The following VPS50 variants were observed in gnomAD, a reference collection of about 807,000 sequenced individuals.
The protein encoded by VPS50 is VPS50 subunit of EARP/GARPII complex.
VPS50 carries 70 observed loss-of-function variants against 139.7 expected under a neutral mutation model. That is an observed-to-expected ratio of 0.50 (90% CI 0.41 to 0.61). The LOEUF (loss-of-function observed/expected upper bound fraction) is 0.61, where lower values mean the gene tolerates loss of function less well. Ranked by LOEUF, VPS50 falls within the 20% of genes least tolerant of loss-of-function variation. VPS50 has a pLI of 0.00. For missense variants in VPS50, 921 were observed against 1,133.7 expected, an observed-to-expected ratio of 0.81 and a Z score of 2.69; for synonymous variants, 365 against 376.7, an observed-to-expected ratio of 0.97 and a Z score of 0.36.
chr7:93,345,721 G>C (rs965739963), intron 23 of VPS50, among the ~76,000 whole-genome samples: 2 of 152,040 alleles, frequency 1.3e-5, no homozygotes, highest in African/African-American at 4.8e-5. Flanking sequence ...AAGCAAAGAC[G>C]AAAACCACAT....
intron 2 of VPS50, among the ~76,000 whole-genome samples, chr7:93,242,982 A>G (rs1795040472): frequency 6.6e-6 from 1 of 151,986 alleles, no homozygotes; most frequent in African/African-American, 2.4e-5. Flanking sequence ...GTGCTTGATA[A>G]GCCAGATGGT....
chr7:93,331,889 G>A lies in VPS50; in HGVS notation c.1978-2228G>A, dbSNP rs189312088. On this transcript the variant is annotated intron_variant, in intron 21 of 27. Transcript: ENST00000305866. ...ATAACTCAATAAGAAAACAACCCAC[G>A]TAAAAAATGGGAAGAGATTTTATCA... Among the ~76,000 whole-genome samples, 4 of 152,222 alleles carry A rather than the reference G, an allele frequency of 2.6e-5. No individual in the cohort carries two copies. In the East Asian group the frequency reaches 5.8e-4, roughly 22 times the overall value.
intron 21 of VPS50, among the ~76,000 whole-genome samples, chr7:93,330,006 A>T (rs1797888092): frequency 6.6e-6 from 1 of 152,052 alleles, no homozygotes. Context: ...TCAAAAGATA[A>T]TTTTTTTCTT....
In VPS50 at chr7:93,350,856, A is replaced by C. The variant is rs144796168; in HGVS notation, c.2463+823A>C. Among the ~76,000 whole-genome samples the C allele has an allele frequency of 2.6e-5, 4 of 152,302 alleles. No homozygotes were observed. In the East Asian group the frequency reaches 7.7e-4, roughly 29 times the overall value. On this transcript the variant is annotated intron_variant, in intron 25 of 27. Transcript: ENST00000305866. ...TGTGGAAAGAGCATCTGAGAAAATG[A>C]AAGTAACTTTCAGGAAAAATGTGTT...
At chr7:93,318,665 G>A (rs537073284) in intron 20 of VPS50, among the ~76,000 whole-genome samples, 1 of 152,024 alleles carries the variant, frequency 6.6e-6, no homozygotes, top group Admixed American at 6.5e-5. Context: ...TTTTACTTTT[G>A]TAGGAACCCA....
rs747891799 is a variant in VPS50, at chr7:93,239,920, C to T, written c.88C>T (p.Arg30Trp). The T allele has an allele frequency of 1.2e-5, 20 of 1,600,220 alleles. No homozygotes were observed. The highest frequency in any genetic ancestry group is 8.8e-5 in the South Asian group (8 of 90,824). The change falls in exon 2 of 28, where the codon CGG (arginine) becomes TGG (tryptophan). Residue 30 changes from arginine to tryptophan, a missense_variant. Transcript: ENST00000305866. ...TGATCTTGGTGCCATAGAGAGTCTC[C>T]GGGTCCCTGGAAAGGTATTGAGCTA... ...LSDLGAIESL[R>W]VPGKEEFREL...
intron 12 of VPS50, among the ~76,000 whole-genome samples, chr7:93,281,213 T>C (rs1160642746): frequency 6.6e-6 from 1 of 152,218 alleles, no homozygotes. Context: ...TAATGTCCCA[T>C]TCTTATAGGC....
chr7:93,284,432 A>G (rs1467802725), intron 12 of VPS50, among the ~76,000 whole-genome samples: 2 of 152,236 alleles, frequency 1.3e-5, no homozygotes, highest in Non-Finnish European at 2.9e-5. Flanking sequence ...TTTAACAGCA[A>G]TTAGAATAAC....
chr7:93,327,712 C>T (rs1034917257), intron 21 of VPS50, among the ~76,000 whole-genome samples: 1 of 151,974 alleles, frequency 6.6e-6, no homozygotes, highest in Admixed American at 6.6e-5. Context: ...TTTTAATTTC[C>T]GAAGAGAATA....
At chr7:93,312,714 T>TA (rs1275461114) in intron 20 of VPS50, among the ~76,000 whole-genome samples, 1 of 152,140 alleles carries the variant, frequency 6.6e-6, no homozygotes, top group Non-Finnish European at 1.5e-5. Flanking sequence ...TTCTAATTCT[T>TA]CTATTCTTCC....
intron 22 of VPS50, among the ~76,000 whole-genome samples, chr7:93,337,937 C>T (rs962843165): frequency 6.6e-6 from 1 of 152,080 alleles, no homozygotes; most frequent in African/African-American, 2.4e-5. Flanking sequence ...ATATGCTTCT[C>T]TCTTGAACTA....
chr7:93,335,833 T>TAG (rs1798055529), intron 22 of VPS50, among the ~76,000 whole-genome samples: 1 of 152,202 alleles, frequency 6.6e-6, no homozygotes, highest in African/African-American at 2.4e-5. Flanking sequence ...TCATCCCTGC[T>TAG]AGCTACTATC....
At chr7:93,354,063 T>C (rs1007634697) in intron 26 of VPS50, among the ~76,000 whole-genome samples, 4 of 152,196 alleles carry the variant, frequency 2.6e-5, no homozygotes, top group African/African-American at 9.7e-5. Flanking sequence ...ATGATTGTTA[T>C]ACCTAACCTT....
chr7:93,237,170 A>T (rs1794834550), intron 1 of VPS50, among the ~76,000 whole-genome samples: 2 of 150,446 alleles, frequency 1.3e-5, no homozygotes, highest in Non-Finnish European at 3.0e-5. Context: ...GTTAGCCAGG[A>T]TAGTCTCCAT....
intron 9 of VPS50, among the ~76,000 whole-genome samples, chr7:93,269,622 C>A (rs1205782848): frequency 6.6e-6 from 1 of 152,008 alleles, no homozygotes. Flanking sequence ...CTATGTCTAT[C>A]TATATCTCAC....
Position 93,276,301 on chromosome 7 carries a change from G to C in VPS50, c.938G>C (p.Cys313Ser). The C allele has an allele frequency of 6.2e-7, 1 of 1,611,820 alleles. No individual in the cohort carries two copies. Among genetic ancestry groups the C allele is most frequent in the Non-Finnish European group, 8.5e-7 (1 of 1,178,338 alleles). Residue 313 changes from cysteine (C) to serine (S), a missense_variant, in exon 12 of 28, where the codon TGT (cysteine) becomes TCT (serine). Around this residue, in one of 3 missense-constraint regions of VPS50, gnomAD observed 744 missense variants for 930.6 expected, o/e 0.80. Transcript: ENST00000305866. ...CAAAAGCTGCAATATAAGGATCTCT[G>C]TACAGTATGTAGTGACTTAATTACT... The part of the protein sequence containing the change: ...KFQKLQYKDL[C>S]THVTPDSYIP...
At chr7:93,260,396 C>G (rs1471184290) in intron 9 of VPS50, among the ~76,000 whole-genome samples, 1 of 152,152 alleles carries the variant, frequency 6.6e-6, no homozygotes, top group Non-Finnish European at 1.5e-5. Flanking sequence ...ATACCCATCC[C>G]AGATTGCATC....
intron 14 of VPS50, among the ~76,000 whole-genome samples, chr7:93,295,986 A>T (rs895152282): frequency 6.6e-6 from 1 of 152,156 alleles, no homozygotes; most frequent in South Asian, 2.1e-4. Context: ...TTGGCCTCCC[A>T]AAGTGCTGGG....
chr7:93,343,391 C>T (rs1238603306), intron 23 of VPS50, among the ~76,000 whole-genome samples: 2 of 152,040 alleles, frequency 1.3e-5, no homozygotes, highest in Non-Finnish European at 2.9e-5. Flanking sequence ...AGAATGGAAC[C>T]AAGTTGGAAG....
Sources: allele counts gnomAD v4.1 joint callset (sites outside exome capture counted in the v4.1 genomes callset), GRCh38; gene constraint gnomAD v4.1.1; regional missense constraint gnomAD v4.1.1; transcripts MANE v1.5; gene names NCBI Gene and HGNC (gene_info 2026-07-23, HGNC 2026-07-21).